The following IQGAP1 variants were observed in gnomAD, a reference collection of about 807,000 sequenced individuals.
The protein encoded by IQGAP1 is ras GTPase-activating-like protein IQGAP1.
IQGAP1 carries 66 observed loss-of-function variants against 215.6 expected under a neutral mutation model. The ratio of observed to expected loss-of-function variants is 0.31; its 90% CI spans 0.25 to 0.38. IQGAP1 has a LOEUF of 0.38. Among genes scored for constraint, IQGAP1 ranks in the 10% least tolerant of loss-of-function variants. The probability of loss-of-function intolerance (pLI) is 1.00; values close to 1 mark genes in which losing one functional copy is unlikely to be tolerated. For missense variants in IQGAP1, 1,712 were observed against 1,997.1 expected, an observed-to-expected ratio of 0.86 and a Z score of 2.72; for synonymous variants, 772 against 728.7, an observed-to-expected ratio of 1.06 and a Z score of -0.96.
In IQGAP1 at chr15:90,491,045, A is replaced by G. The variant is rs553896555; in HGVS notation, c.4249-288A>G. ...AGGATGGTCTTGAACTCCTGACCTC[A>G]TGATCCGCCTACCTTGGCCTCCCAA... is the stretch of plus-strand genomic sequence containing the variant. On this transcript the variant is annotated intron_variant, in intron 33 of 37. Coordinates refer to ENST00000268182, the MANE Select transcript of IQGAP1 (RefSeq NM_003870.4). Among the ~76,000 whole-genome samples the G allele has an allele frequency of 3.4e-4, 52 of 152,276 alleles. 2 individuals are homozygous for G. The highest frequency in any genetic ancestry group is 3.1e-3 in the South Asian group (15 of 4,820).
chr15:90,473,966 A>C lies in IQGAP1; in HGVS notation c.2504A>C (p.His835Pro). The change falls in exon 21 of 38, where the codon CAT (histidine) becomes CCT (proline). Residue 835 changes from histidine (H) to proline (P), a missense_variant and splice_region_variant. His to Pro is a moderately conservative substitution (Grantham distance 77). Coordinates refer to ENST00000268182, the MANE Select transcript of IQGAP1 (RefSeq NM_003870.4). The stretch of plus-strand genomic sequence containing the variant: ...GATCGCCTGCAGTACTTCCGGGACC[A>C]TGTAAGCACCCTTGGATCATACAGG... ...YRDRLQYFRD[H>P]INDIIKIQAF... 1.9e-6 allele frequency: 3 copies of C among 1,614,040 alleles called. No homozygotes were observed. Among genetic ancestry groups the C allele is most frequent in the Non-Finnish European group, 2.5e-6 (3 of 1,179,940 alleles).
intron 1 of IQGAP1, among the ~76,000 whole-genome samples, chr15:90,389,930 G>T (rs150763338): frequency 7.6e-4 from 112 of 148,318 alleles, no homozygotes; most frequent in African/African-American, 2.7e-3. Flanking sequence ...ACTCGAGCCG[G>T]AGTGACAGAA....
At chr15:90,388,839 A>G (rs1964592168) in intron 1 of IQGAP1, among the ~76,000 whole-genome samples, 1 of 152,092 alleles carries the variant, frequency 6.6e-6, no homozygotes, top group South Asian at 2.1e-4. Context: ...CAGGGTCCAG[A>G]CCTGTCCGGT....
intron 33 of IQGAP1, among the ~76,000 whole-genome samples, chr15:90,487,856 C>G (rs1248099687): frequency 6.6e-6 from 1 of 152,132 alleles, no homozygotes; most frequent in Non-Finnish European, 1.5e-5. Flanking sequence ...ACAGGCGATT[C>G]TTTCCAGCAC....
chr15:90,484,124 G>C, intron 29 of IQGAP1, 96 bp from the exon 30 acceptor site: 1 of 1,091,836 alleles, frequency 9.2e-7, no homozygotes, highest in South Asian at 1.5e-5. Flanking sequence ...ACTGGCTTCT[G>C]TTTGCACTCA....
At chr15:90,483,028 C>T (rs1045488893) in intron 28 of IQGAP1, among the ~76,000 whole-genome samples, 1 of 152,154 alleles carries the variant, frequency 6.6e-6, no homozygotes, top group Non-Finnish European at 1.5e-5. Context: ...TATTTGCTAC[C>T]ATGATATGTG....
At chr15:90,439,197 G>A in intron 5 of IQGAP1, 135 bp from the exon 6 acceptor site, 1 of 484,728 alleles carries the variant, frequency 2.1e-6, no homozygotes, top group East Asian at 3.4e-5. Context: ...TAACTACAAA[G>A]GAGACTGTCG....
rs563798427 is a variant in IQGAP1, at chr15:90,474,474, C to T, written c.2576-11C>T. ...TGCTAACTCCATTCTTTGATGCATACTTTCTGTCAGTCAATGCTGAGGATC... is the reference window on the plus strand; with the variant it reads ...TGCTAACTCCATTCTTTGATGCATATTTTCTGTCAGTCAATGCTGAGGATC... On this transcript the variant is annotated splice_polypyrimidine_tract_variant and intron_variant, in intron 22 of 37. Transcript: ENST00000268182. 9.3e-6 allele frequency: 15 copies of T among 1,608,576 alleles called. No homozygotes were observed. The Middle Eastern group carries it at 8.3e-4, about 89-fold the overall frequency.
rs1965630880 is a variant in IQGAP1, at chr15:90,453,221, G to A, written c.1416G>A (p.Val472=). 2 of 1,613,890 alleles carry A rather than the reference G, an allele frequency of 1.2e-6. No homozygotes were observed. Among genetic ancestry groups the A allele is most frequent in the African/African-American group, 2.7e-5 (2 of 74,880 alleles). ...LINRALESGD[V]NTVWKQLSSS... is the part of the protein sequence containing the mutation. ...ACAGGGCATTGGAATCAGGAGATGT[G>A]AATACAGTGTGGAAGCAATTGAGCA... Residue 472 remains valine, a synonymous_variant, in exon 13 of 38, where the codon GTG becomes GTA. Transcript: ENST00000268182.
intron 3 of IQGAP1, among the ~76,000 whole-genome samples, chr15:90,428,366 T>C (rs1361100892): frequency 6.6e-6 from 1 of 152,176 alleles, no homozygotes; most frequent in Admixed American, 6.5e-5. Context: ...CATGAGCCAC[T>C]GTGCCCAGCC....
intron 2 of IQGAP1, among the ~76,000 whole-genome samples, chr15:90,416,601 G>A (rs1271488562): frequency 2.0e-5 from 3 of 147,034 alleles, no homozygotes; most frequent in Non-Finnish European, 3.0e-5. Flanking sequence ...TTTTTGAGAC[G>A]GAGTCTTGCT....
chr15:90,442,432 G>A (rs774182336), intron 8 of IQGAP1, among the ~76,000 whole-genome samples: 5 of 147,886 alleles, frequency 3.4e-5, no homozygotes, highest in Admixed American at 2.7e-4. Context: ...GAGACAGGGC[G>A]AGACTCCGTC....
At chr15:90,470,398 C>T (rs1965889180) in intron 18 of IQGAP1, among the ~76,000 whole-genome samples, 2 of 152,118 alleles carry the variant, frequency 1.3e-5, no homozygotes, top group Non-Finnish European at 2.9e-5. Flanking sequence ...TCTGAATCAC[C>T]TGGGATCTTG....
In IQGAP1 at chr15:90,500,756, G is replaced by C. The variant is rs1011932494; in HGVS notation, c.*648G>C. The C allele has an allele frequency of 1.3e-5, 2 of 152,248 alleles. No individual in the cohort carries two copies. The highest frequency in any genetic ancestry group is 2.9e-5 in the Non-Finnish European group (2 of 68,030). 9.4% of individuals were successfully genotyped at this position (152,248 alleles called of 1,614,324 possible). On this transcript the variant is annotated 3_prime_UTR_variant, in exon 38 of 38. Coordinates refer to ENST00000268182, the MANE Select transcript of IQGAP1 (RefSeq NM_003870.4). The stretch of plus-strand genomic sequence containing the variant: ...GTTTTTAAATTTCATTATCAAACTT[G>C]GGCAATTCTGTTTGTGTAACTCCCC...
chr15:90,462,768 A>C (rs1292324995), intron 15 of IQGAP1, among the ~76,000 whole-genome samples: 1 of 151,870 alleles, frequency 6.6e-6, no homozygotes, highest in African/African-American at 2.4e-5. Flanking sequence ...TCTTTTTTTA[A>C]ATTCTGACTT....
At chr15:90,461,576 C>T (rs2151027212) in intron 15 of IQGAP1, among the ~76,000 whole-genome samples, 2 of 152,300 alleles carry the variant, frequency 1.3e-5, no homozygotes, top group Admixed American at 1.3e-4. Flanking sequence ...TGGTGGCTTA[C>T]GCCTATAATC....
At chr15:90,448,810 A>C (rs1044232333) in intron 10 of IQGAP1, 74 bp downstream of exon 10, 9 of 1,237,942 alleles carry the variant, frequency 7.3e-6, no homozygotes, top group Non-Finnish European at 9.4e-6. Flanking sequence ...ATTTAAAGAT[A>C]TATATGCTGC....
intron 7 of IQGAP1, 35 bp downstream of exon 7, chr15:90,440,650 A>G: frequency 7.8e-7 from 1 of 1,289,992 alleles, no homozygotes; most frequent in Non-Finnish European, 1.1e-6. Context: ...TTCAACTGGG[A>G]TTGTTGCCAC....
chr15:90,409,192 G>A (rs1047685829), intron 2 of IQGAP1, among the ~76,000 whole-genome samples: 5 of 137,144 alleles, frequency 3.6e-5, no homozygotes, highest in African/African-American at 1.4e-4. Context: ...TACCCTGATT[G>A]TTTTCCCCTC....
Sources: gnomAD v4.1 joint callset for allele counts (sites outside exome capture counted in the v4.1 genomes callset) on GRCh38, gnomAD v4.1.1 for gene constraint, MANE v1.5 for transcripts, NCBI Gene and HGNC (gene_info 2026-07-23, HGNC 2026-07-21) for gene names.